XRCC5: variants seen among roughly 807,000 people sequenced by gnomAD.
XRCC5 encodes DNA repair protein Ku80.
A neutral mutation model predicts 95.7 loss-of-function variants in XRCC5; 12 were observed. The ratio of observed to expected loss-of-function variants is 0.13; its 90% CI spans 0.08 to 0.20. The LOEUF is 0.20. XRCC5 is among the 10% of genes least tolerant of loss of function. XRCC5 has a pLI of 1.00. For synonymous variants in XRCC5, 281 were observed against 290.3 expected, an observed-to-expected ratio of 0.97 and a Z score of 0.33; for missense variants, 595 against 873.9, an observed-to-expected ratio of 0.68 and a Z score of 4.02.
chr2:216,197,811 C>T (rs1304189167), intron 19 of XRCC5, among the ~76,000 whole-genome samples: 3 of 149,470 alleles, frequency 2.0e-5, no homozygotes, highest in Non-Finnish European at 4.5e-5. Context: ...CTAGAAAATG[C>T]CATTTCCTTT....
chr2:216,199,145 G>T (rs930392112), intron 19 of XRCC5, among the ~76,000 whole-genome samples: 1 of 152,138 alleles, frequency 6.6e-6, no homozygotes, highest in Admixed American at 6.5e-5. Flanking sequence ...TAATCACTGA[G>T]GTTAAAGAAC....
chr2:216,197,009 A>G (rs1252738579), intron 19 of XRCC5, among the ~76,000 whole-genome samples: 1 of 152,218 alleles, frequency 6.6e-6, no homozygotes, highest in East Asian at 1.9e-4. Context: ...AGTTTTTGGA[A>G]GAAGTGAGGA....
At chr2:216,197,110 A>G (rs1453175400) in intron 19 of XRCC5, among the ~76,000 whole-genome samples, 1 of 152,216 alleles carries the variant, frequency 6.6e-6, no homozygotes, top group East Asian at 1.9e-4. Flanking sequence ...TTAGACAGGA[A>G]AGAAATCTGA....
chr2:216,196,383 A>G (rs893347104), intron 19 of XRCC5, among the ~76,000 whole-genome samples: 1 of 152,114 alleles, frequency 6.6e-6, no homozygotes, highest in Non-Finnish European at 1.5e-5. Flanking sequence ...TATGCCATTT[A>G]ACTGTTTGGT....
At chr2:216,132,420 A>G (rs370676573) in intron 10 of XRCC5, 33 bp downstream of exon 10, 16 of 1,606,852 alleles carry the variant, frequency 1.0e-5, no homozygotes, top group Admixed American at 3.3e-5. Flanking sequence ...AGGTAGTGCT[A>G]CAGAATTGAA....
intron 13 of XRCC5, among the ~76,000 whole-genome samples, chr2:216,144,765 T>C (rs781539206): frequency 3.9e-5 from 6 of 152,194 alleles, no homozygotes; most frequent in Non-Finnish European, 8.8e-5. Flanking sequence ...AACACAGATT[T>C]GAGAGTCCTC....
At chr2:216,156,831 C>G (rs1195965043) in intron 14 of XRCC5, 1 of 423,980 alleles carries the variant, frequency 2.4e-6, no homozygotes, top group Non-Finnish European at 4.8e-6. Context: ...TAACAGACAC[C>G]TGGCCAGACT....
At chr2:216,115,279 GT>G (rs939107879) in intron 2 of XRCC5, among the ~76,000 whole-genome samples, 1 of 152,076 alleles carries the variant, frequency 6.6e-6, no homozygotes, top group South Asian at 2.1e-4. Context: ...GAGTATAGGT[GT>G]TTTTTTGTTT....
Position 216,205,717 on chromosome 2 carries a change from G to C in XRCC5, c.*515G>C, listed in dbSNP as rs1220824311. On this transcript the variant is annotated 3_prime_UTR_variant, in exon 21 of 21. Transcript: ENST00000392132. ...CAAGCAGCTGGGTTAGGAAAACCATGGGTAAGGACGGACTCACTTCTCTTT... is the reference window on the plus strand; with the variant it reads ...CAAGCAGCTGGGTTAGGAAAACCATCGGTAAGGACGGACTCACTTCTCTTT... 1 of 154,720 alleles carries C rather than the reference G, an allele frequency of 6.5e-6. No individual in the cohort carries two copies. Among genetic ancestry groups the C allele is most frequent in the Non-Finnish European group, 1.4e-5 (1 of 69,810 alleles). 9.6% of individuals were successfully genotyped at this position (154,720 alleles called of 1,614,324 possible).
At chr2:216,168,174 T>C (rs1689090021) in intron 16 of XRCC5, among the ~76,000 whole-genome samples, 1 of 152,174 alleles carries the variant, frequency 6.6e-6, no homozygotes, top group Non-Finnish European at 1.5e-5. Context: ...TAAGGTGTTG[T>C]TCATCTTTCA....
chr2:216,149,602 A>G (rs920633476), intron 14 of XRCC5, among the ~76,000 whole-genome samples: 7 of 124,876 alleles, frequency 5.6e-5, no homozygotes, highest in African/African-American at 7.7e-5. Flanking sequence ...TCACAGGGCT[A>G]TTCTCTCTCT....
chr2:216,138,526 T>A (rs1293846337), intron 12 of XRCC5, among the ~76,000 whole-genome samples: 1 of 152,232 alleles, frequency 6.6e-6, no homozygotes, highest in African/African-American at 2.4e-5. Flanking sequence ...GTGTTCTGTG[T>A]AAAGTCTGAT....
At chr2:216,111,358 CA>C (rs41296912) in intron 1 of XRCC5, 16 of 446,898 alleles carry the variant, frequency 3.6e-5, no homozygotes, top group Admixed American at 7.2e-5. Flanking sequence ...CCCAACTCTA[CA>C]AAAAAAATTT....
chr2:216,122,062 C>G lies in XRCC5; in HGVS notation c.492C>G (p.Phe164Leu). ...LKKCDISLQFFLPFSLGKEDG... is the reference protein window; with the variant it reads ...LKKCDISLQFLLPFSLGKEDG... ...AACTACTGTTGATCTTTCTTAATAG[C>G]TTGCCTTTCTCACTTGGCAAGGAAG... Residue 164 changes from phenylalanine (F) to leucine (L), a missense_variant and splice_region_variant, in exon 6 of 21, where the codon TTC (phenylalanine) becomes TTG (leucine). By Grantham distance (22) the Phe-to-Leu change is conservative. Around this residue, in one of 2 missense-constraint regions of XRCC5, gnomAD observed 286 missense variants for 491.1 expected, o/e 0.58. Coordinates refer to ENST00000392132, the MANE Select transcript of XRCC5 (RefSeq NM_021141.4). The G allele has an allele frequency of 6.2e-7, 1 of 1,610,124 alleles. No homozygotes were observed. Among genetic ancestry groups the G allele is most frequent in the Non-Finnish European group, 8.5e-7 (1 of 1,177,972 alleles).
rs772404035 is a variant in XRCC5 at position 216,138,158 on chromosome 2, A to T, written c.1321A>T (p.Ser441Cys). ...RQYMFSSLKN[S>C]KKYAPTEAQL... ...ATACATGTTTTCATCCTTGAAAAAC[A>T]GTAAGAAATATGCTCCCACCGGTGA... Residue 441 changes from serine to cysteine, a missense_variant, in exon 12 of 21, where the codon AGT (serine) becomes TGT (cysteine). Around this residue, in one of 2 missense-constraint regions of XRCC5, gnomAD observed 309 missense variants for 382.9 expected, o/e 0.81. Coordinates refer to ENST00000392132, the MANE Select transcript of XRCC5 (RefSeq NM_021141.4). 2 of 1,613,258 alleles carry T rather than the reference A, an allele frequency of 1.2e-6. No individual in the cohort carries two copies. Among genetic ancestry groups the T allele is most frequent in the Non-Finnish European group, 1.7e-6 (2 of 1,179,916 alleles).
Position 216,190,281 on chromosome 2 carries a change from T to C in XRCC5, c.1891T>C (p.Tyr631His). The change falls in exon 17 of 21, where the codon TAT becomes CAT. Residue 631 changes from tyrosine to histidine, a missense_variant. By Grantham distance (83) the Tyr-to-His change is moderately conservative (BLOSUM62 2). This residue lies in a region of XRCC5 where 309 missense variants were observed against 382.9 expected (regional missense o/e 0.81). Transcript: ENST00000392132. ...EQFLDTNETPYFMKSIDCIRA... is the reference protein window; with the variant it reads ...EQFLDTNETPHFMKSIDCIRA... ...GTTTTTGGATACTAATGAAACACCG[T>C]ATTTTATGAAGAGCATAGACTGCAT... 1 of 1,614,062 alleles carries C rather than the reference T, an allele frequency of 6.2e-7. No homozygotes were observed. The highest frequency in any genetic ancestry group is 8.5e-7 in the Non-Finnish European group (1 of 1,179,944).
At chr2:216,196,987 A>G (rs980389345) in intron 19 of XRCC5, among the ~76,000 whole-genome samples, 4 of 152,212 alleles carry the variant, frequency 2.6e-5, no homozygotes, top group African/African-American at 7.2e-5. Context: ...TCCAGGTGAC[A>G]GTACATACTA....
In XRCC5 at chr2:216,154,097, G is replaced by A. The variant is rs189979601; in HGVS notation, c.1670+5821G>A. On this transcript the variant is annotated intron_variant, in intron 14 of 20. Coordinates refer to ENST00000392132, the MANE Select transcript of XRCC5 (RefSeq NM_021141.4). ...AATCTAACGCTTTCACTTAAGGTTA[G>A]TCTGGTGGCTAATGGCATTGATTTT... is the stretch of plus-strand genomic sequence containing the variant. 5.3e-5 allele frequency among the ~76,000 whole-genome samples: 8 copies of A among 152,316 alleles called. No homozygotes were observed. In the East Asian group the frequency reaches 1.5e-3, roughly 29 times the overall value.
At chr2:216,148,849 A>G (rs1055214993) in intron 14 of XRCC5, among the ~76,000 whole-genome samples, 1 of 152,242 alleles carries the variant, frequency 6.6e-6, no homozygotes, top group Admixed American at 6.5e-5. Context: ...ACAACTGGCT[A>G]TTAAGTTTTT....
Sources: allele counts gnomAD v4.1 joint callset (sites outside exome capture counted in the v4.1 genomes callset), GRCh38; gene constraint gnomAD v4.1.1; regional missense constraint gnomAD v4.1.1; transcripts MANE v1.5; gene names NCBI Gene and HGNC (gene_info 2026-07-23, HGNC 2026-07-21).